FRMD4A: variants seen among roughly 807,000 people sequenced by gnomAD.
FRMD4A encodes the protein FERM domain containing 4A, also known as FERM domain-containing protein 4A.
Under a neutral mutation model 129.1 loss-of-function variants are expected in FRMD4A, and 29 were observed. The observed-to-expected ratio is 0.22, with a 90% confidence interval of 0.17 to 0.31. FRMD4A has a LOEUF of 0.31. Ranked by LOEUF, FRMD4A falls within the 10% of genes least tolerant of loss-of-function variation. The probability of loss-of-function intolerance (pLI) is 1.00; values close to 1 mark genes in which losing one functional copy is unlikely to be tolerated. For synonymous variants in FRMD4A, 634 were observed against 571.6 expected, an observed-to-expected ratio of 1.11 and a Z score of -1.56; for missense variants, 1,272 against 1,375.8, an observed-to-expected ratio of 0.92 and a Z score of 1.19.
At chr10:14,063,172 A>C (rs1834894778) in intron 2 of FRMD4A, among the ~76,000 whole-genome samples, 1 of 72,572 alleles carries the variant, frequency 1.4e-5, no homozygotes, top group African/African-American at 4.7e-5. Context: ...GCAAGGAATA[A>C]ATCTGCTTTT....
intron 2 of FRMD4A, among the ~76,000 whole-genome samples, chr10:13,915,061 A>G (rs2094985091): frequency 6.6e-6 from 1 of 152,134 alleles, no homozygotes; most frequent in Admixed American, 6.5e-5. Flanking sequence ...AACAAACCAC[A>G]GTGTTCTCAC....
intron 8 of FRMD4A, among the ~76,000 whole-genome samples, chr10:13,753,448 T>TAGA (rs1483005245): frequency 1.3e-5 from 2 of 152,340 alleles, no homozygotes; most frequent in Middle Eastern, 3.4e-3. Flanking sequence ...GGATTCTGAA[T>TAGA]TCTGGGCATG....
At chr10:14,126,123 T>G (rs1226264220) in intron 2 of FRMD4A, among the ~76,000 whole-genome samples, 1 of 151,984 alleles carries the variant, frequency 6.6e-6, no homozygotes, top group Non-Finnish European at 1.5e-5. Flanking sequence ...TAAGATCATC[T>G]TCTCTCTTAT....
chr10:14,092,100 T>G (rs1296862769), intron 2 of FRMD4A, among the ~76,000 whole-genome samples: 8 of 152,098 alleles, frequency 5.3e-5, no homozygotes. Context: ...CCGACTCAAA[T>G]CTCTCTTACA....
intron 2 of FRMD4A, among the ~76,000 whole-genome samples, chr10:14,211,529 T>C (rs1051350554): frequency 1.3e-5 from 2 of 152,222 alleles, no homozygotes; most frequent in Non-Finnish European, 2.9e-5. Flanking sequence ...GTATCATGCG[T>C]GCTATCTGTC....
intron 2 of FRMD4A, among the ~76,000 whole-genome samples, chr10:14,154,018 C>G (rs1380966678): frequency 6.6e-6 from 1 of 152,152 alleles, no homozygotes. Flanking sequence ...CTCGCCATCC[C>G]CTGCTTGGCC....
intron 2 of FRMD4A, among the ~76,000 whole-genome samples, chr10:13,967,096 G>A (rs553586808): frequency 6.6e-6 from 1 of 152,298 alleles, no homozygotes; most frequent in African/African-American, 2.4e-5. Context: ...CCAGCACTTC[G>A]GAGGCCGAGG....
chr10:13,747,175 TA>T (rs55979611), intron 9 of FRMD4A, among the ~76,000 whole-genome samples: 32 of 147,580 alleles, frequency 2.2e-4, no homozygotes, highest in East Asian at 2.0e-3. Context: ...TTTTGAAAAT[TA>T]AAAAAAAAAA....
intron 2 of FRMD4A, among the ~76,000 whole-genome samples, chr10:14,319,034 C>G (rs935932734): frequency 1.3e-5 from 2 of 152,134 alleles, no homozygotes; most frequent in South Asian, 4.1e-4. Context: ...TGAGGTGGCC[C>G]ACATCATGTG....
At chr10:13,824,039 G>C (rs1006521505) in intron 3 of FRMD4A, among the ~76,000 whole-genome samples, 2 of 152,146 alleles carry the variant, frequency 1.3e-5, no homozygotes, top group Non-Finnish European at 2.9e-5. Flanking sequence ...ATGGTGGTGA[G>C]AGCCAAGTTC....
intron 5 of FRMD4A, among the ~76,000 whole-genome samples, chr10:13,792,679 G>C (rs1377083226): frequency 6.6e-6 from 1 of 152,148 alleles, no homozygotes; most frequent in African/African-American, 2.4e-5. Flanking sequence ...GATAGTTCCC[G>C]CCTCTCCAGT....
chr10:14,264,837 A>G (rs1456171334), intron 2 of FRMD4A, among the ~76,000 whole-genome samples: 2 of 152,058 alleles, frequency 1.3e-5, no homozygotes, highest in Non-Finnish European at 2.9e-5. Context: ...GCTGGAGTGC[A>G]GTGGCAAGAT....
intron 2 of FRMD4A, among the ~76,000 whole-genome samples, chr10:13,904,808 C>G (rs191306101): frequency 6.6e-6 from 1 of 151,982 alleles, no homozygotes; most frequent in African/African-American, 2.4e-5. Flanking sequence ...GCCTGGCCAA[C>G]GTGGCGAAAC....
chr10:14,156,080 A>G (rs552815275), intron 2 of FRMD4A, among the ~76,000 whole-genome samples: 2 of 152,340 alleles, frequency 1.3e-5, no homozygotes, highest in African/African-American at 4.8e-5. Flanking sequence ...AGATGTATAT[A>G]TAAATGGTCA....
chr10:13,773,288 A>T (rs2092510099), intron 6 of FRMD4A, among the ~76,000 whole-genome samples: 1 of 152,184 alleles, frequency 6.6e-6, no homozygotes, highest in Non-Finnish European at 1.5e-5. Context: ...CCTTTTCAAA[A>T]AGAGCACCTT....
intron 5 of FRMD4A, among the ~76,000 whole-genome samples, chr10:13,788,307 C>T (rs1410226538): frequency 6.6e-6 from 1 of 152,208 alleles, no homozygotes; most frequent in Non-Finnish European, 1.5e-5. Context: ...TAGGGGGCAG[C>T]CCCCATGCTG....
chr10:13,696,432 G>A (rs181789797), intron 14 of FRMD4A, among the ~76,000 whole-genome samples: 43 of 152,298 alleles, frequency 2.8e-4, no homozygotes, highest in Middle Eastern at 3.4e-3. Context: ...GAAGGGTCTG[G>A]GCTCTGAAGT....
At chr10:14,133,890 A>T (rs2131831923) in intron 2 of FRMD4A, among the ~76,000 whole-genome samples, 1 of 152,314 alleles carries the variant, frequency 6.6e-6, no homozygotes, top group East Asian at 1.9e-4. Flanking sequence ...ATGAATTCAG[A>T]TGGGAAAATA....
At chr10:13,808,089 A>C (rs2093386556) in intron 4 of FRMD4A, among the ~76,000 whole-genome samples, 1 of 152,204 alleles carries the variant, frequency 6.6e-6, no homozygotes, top group Non-Finnish European at 1.5e-5. Flanking sequence ...GTGAGCCACC[A>C]TGCTCAGCCT....
Sources: allele counts gnomAD v4.1 joint callset (sites outside exome capture counted in the v4.1 genomes callset), GRCh38; gene constraint gnomAD v4.1.1; transcripts MANE v1.5; gene names NCBI Gene and HGNC (gene_info 2026-07-23, HGNC 2026-07-21).